The following KLF12 variants were observed in gnomAD, a reference collection of about 807,000 sequenced individuals.
KLF12 encodes Krueppel-like factor 12.
KLF12 carries 9 observed loss-of-function variants against 37.8 expected under a neutral mutation model. The ratio of observed to expected loss-of-function variants is 0.24; its 90% CI spans 0.14 to 0.42. KLF12 has a LOEUF of 0.42. Among genes scored for constraint, KLF12 ranks in the 10% least tolerant of loss-of-function variants. The probability of loss-of-function intolerance (pLI) is 1.00; values close to 1 mark genes in which losing one functional copy is unlikely to be tolerated. For missense variants in KLF12, 411 were observed against 516.0 expected, an observed-to-expected ratio of 0.80 and a Z score of 1.97; for synonymous variants, 208 against 202.1, an observed-to-expected ratio of 1.03 and a Z score of -0.25.
the KLF12 span, among the ~76,000 whole-genome samples, chr13:74,224,151 A>G: frequency 6.6e-6 from 1 of 152,168 alleles, no homozygotes; most frequent in Non-Finnish European, 1.5e-5. Context: ...ATCCTACCTC[A>G]TGTGATTTCC....
intron 1 of KLF12, among the ~76,000 whole-genome samples, chr13:74,128,178 G>A (rs17062186): frequency 0.017 from 2,514 of 152,178 alleles, 48 homozygotes; most frequent in Middle Eastern, 0.034. Context: ...TACCAGCTAC[G>A]TTGAAACTTT....
intron 6 of KLF12, among the ~76,000 whole-genome samples, chr13:73,732,357 T>G (rs1261504636): frequency 6.6e-6 from 1 of 152,080 alleles, no homozygotes; most frequent in African/African-American, 2.4e-5. Flanking sequence ...CCCAAAGTGC[T>G]GGGATTACAG....
At chr13:73,719,597 C>T (rs989374643) in intron 6 of KLF12, among the ~76,000 whole-genome samples, 6 of 151,770 alleles carry the variant, frequency 4.0e-5, no homozygotes, top group African/African-American at 1.5e-4. Context: ...ACGCCCATTT[C>T]CCCGAGTTGC....
chr13:74,209,703 A>G, the KLF12 span, among the ~76,000 whole-genome samples: 1 of 152,216 alleles, frequency 6.6e-6, no homozygotes, highest in East Asian at 1.9e-4. Context: ...AACAAATGTA[A>G]GGATAGATCC....
intron 3 of KLF12, among the ~76,000 whole-genome samples, chr13:73,863,578 G>A (rs1181757174): frequency 6.6e-6 from 1 of 152,056 alleles, no homozygotes; most frequent in East Asian, 1.9e-4. Context: ...CTATTTTACT[G>A]TAGTGCTAAA....
chr13:73,760,875 T>C (rs1043152415), intron 6 of KLF12, among the ~76,000 whole-genome samples: 10 of 152,154 alleles, frequency 6.6e-5, no homozygotes, highest in Non-Finnish European at 1.3e-4. Context: ...AGATGGAGCA[T>C]ACATAAATGT....
intron 1 of KLF12, among the ~76,000 whole-genome samples, chr13:74,098,499 G>T (rs1303814371): frequency 6.6e-6 from 1 of 152,192 alleles, no homozygotes; most frequent in Non-Finnish European, 1.5e-5. Flanking sequence ...CAAGCTCTAT[G>T]ATCTAATGAA....
chr13:74,286,291 C>A, the KLF12 span, among the ~76,000 whole-genome samples: 10 of 152,034 alleles, frequency 6.6e-5, no homozygotes, highest in Admixed American at 4.6e-4. Context: ...TGTGTTAAAA[C>A]TGTAATATGA....
At chr13:74,150,201 T>G in the KLF12 span, among the ~76,000 whole-genome samples, 1 of 152,198 alleles carries the variant, frequency 6.6e-6, no homozygotes, top group Admixed American at 6.5e-5. Context: ...GCTCAATATA[T>G]ATCTACTGAA....
At chr13:73,703,871 T>C (rs1874733349) in intron 7 of KLF12, among the ~76,000 whole-genome samples, 1 of 152,182 alleles carries the variant, frequency 6.6e-6, no homozygotes, top group South Asian at 2.1e-4. Context: ...AAATGTGAGC[T>C]ACTACTCACA....
chr13:74,148,403 C>CTTT, the KLF12 span, among the ~76,000 whole-genome samples: 960 of 73,438 alleles, frequency 0.013, 31 homozygotes, highest in Middle Eastern at 0.032. Flanking sequence ...CAAAACTGCT[C>CTTT]TTTTTTTTTT....
intron 6 of KLF12, among the ~76,000 whole-genome samples, chr13:73,716,343 C>A (rs1354548455): frequency 1.3e-5 from 2 of 151,998 alleles, no homozygotes; most frequent in Non-Finnish European, 2.9e-5. Context: ...TTTTTTAGTA[C>A]CATGACATTC....
chr13:73,846,183 G>C lies in KLF12; in HGVS notation c.314C>G (p.Ala105Gly). ...AGTTGAAGAAGGTGAGGAGGCAGAT[G>C]CTGTCATGGAAACTGGGGAGGATGA... The change falls in exon 4 of 8, where the codon GCA becomes GGA. Residue 105 changes from alanine to glycine, a missense_variant. Coordinates refer to ENST00000377669, the MANE Select transcript of KLF12 (RefSeq NM_007249.5). 6.2e-7 allele frequency: 1 copy of C among 1,614,168 alleles called. No individual in the cohort carries two copies.
intron 4 of KLF12, among the ~76,000 whole-genome samples, chr13:73,833,788 C>A (rs1473095778): frequency 1.3e-5 from 2 of 152,106 alleles, no homozygotes; most frequent in African/African-American, 4.8e-5. Flanking sequence ...TGGCAACAGA[C>A]TGAGAGGGAG....
chr13:73,827,787 T>C (rs551219586), intron 4 of KLF12, among the ~76,000 whole-genome samples: 1 of 152,294 alleles, frequency 6.6e-6, no homozygotes, highest in South Asian at 2.1e-4. Flanking sequence ...GGTCTCAAAT[T>C]CCTGACCTAA....
At chr13:73,918,146 T>C (rs1356021467) in intron 3 of KLF12, among the ~76,000 whole-genome samples, 2 of 152,060 alleles carry the variant, frequency 1.3e-5, no homozygotes, top group Non-Finnish European at 2.9e-5. Flanking sequence ...GAGATGTATT[T>C]TCCTGCCCAC....
At chr13:73,839,722 T>C (rs1237561767) in intron 4 of KLF12, among the ~76,000 whole-genome samples, 1 of 152,214 alleles carries the variant, frequency 6.6e-6, no homozygotes, top group Non-Finnish European at 1.5e-5. Flanking sequence ...ATTGCTTATA[T>C]TGTACTGTGA....
the KLF12 span, among the ~76,000 whole-genome samples, chr13:74,206,814 A>C: frequency 6.6e-6 from 1 of 152,170 alleles, no homozygotes; most frequent in Non-Finnish European, 1.5e-5. Flanking sequence ...TTAGAACAAA[A>C]CCGAGAACAA....
At position 73,971,827 on chromosome 13, in the gene KLF12, C is replaced by CA. The variant is rs202124327; in HGVS notation, c.33+23162dup. On this transcript the variant is annotated intron_variant, in intron 2 of 7. Coordinates refer to ENST00000377669, the MANE Select transcript of KLF12 (RefSeq NM_007249.5). ...GAAGGATCATTTGTGACCAGAAGTTCAAGACCACCCTGGGCAACACAGCAA... is the reference window on the plus strand; with the variant it reads ...GAAGGATCATTTGTGACCAGAAGTTCAAAGACCACCCTGGGCAACACAGCAA... Among the ~76,000 whole-genome samples the CA allele has an allele frequency of 1.5e-3, 235 of 152,260 alleles. 2 individuals carry two copies. In the East Asian group the frequency reaches 0.03, roughly 20 times the overall value.
Sources: gnomAD v4.1 joint callset for allele counts (sites outside exome capture counted in the v4.1 genomes callset) on GRCh38, gnomAD v4.1.1 for gene constraint, MANE v1.5 for transcripts, NCBI Gene and HGNC (gene_info 2026-07-23, HGNC 2026-07-21) for gene names.